The following NMU variants were observed in gnomAD, a reference collection of about 807,000 sequenced individuals.
NMU encodes the protein neuromedin U, also known as neuromedin-U.
In NMU, 29 loss-of-function variants were observed where a neutral mutation model predicts 35.4. That is an observed-to-expected ratio of 0.82 (90% CI 0.61 to 1.12). The LOEUF (loss-of-function observed/expected upper bound fraction) is 1.12. Ranked by LOEUF, NMU falls within the 50% of genes most tolerant of loss-of-function variation. The pLI is 0.00. For synonymous variants in NMU, 78 were observed against 81.3 expected (o/e 0.96, Z 0.22); for missense variants, 199 against 206.2 (o/e 0.97, Z 0.21).
At chr4:55,633,039 T>TAATAA (rs1715697011) in intron 1 of NMU, among the ~76,000 whole-genome samples, 1 of 110,922 alleles carries the variant, frequency 9.0e-6, no homozygotes, top group African/African-American at 3.4e-5. Context: ...ACGACTAATA[T>TAATAA]CCTGGCTGGG....
At position 55,630,405 on chromosome 4, in the gene NMU, A is replaced by T; in HGVS notation, c.168T>A (p.Asn56Lys). 6.2e-7 allele frequency: 1 copy of T among 1,610,222 alleles called. No homozygotes were observed. The highest frequency in any genetic ancestry group is 8.5e-7 in the Non-Finnish European group (1 of 1,176,694). The change falls in exon 2 of 10, where the codon AAT (asparagine) becomes AAA (lysine). Residue 56 changes from asparagine to lysine, a missense_variant. Transcript: ENST00000264218. ...LQPEQQLQLWNEIDDTCSSFL... is the reference protein window; with the variant it reads ...LQPEQQLQLWKEIDDTCSSFL... Reference sequence around the variant, plus strand: ...TTGTGTGATGATAGTTCCTTACCTCATTCCACAACTGTAGCTGTTGTTCAG... The same window carrying T: ...TTGTGTGATGATAGTTCCTTACCTCTTTCCACAACTGTAGCTGTTGTTCAG...
Position 55,636,141 on chromosome 4 carries a change from C to G in NMU, c.52G>C (p.Ala18Pro). 2.0e-6 allele frequency: 3 copies of G among 1,521,890 alleles called. No homozygotes were observed. The highest frequency in any genetic ancestry group is 1.8e-6 in the Non-Finnish European group (2 of 1,141,228). The allele number at this position is 1,521,890 out of a possible 1,614,324, so 94.3% of individuals were successfully genotyped here. ...RPRSPAGQVA[A>P]ASPLLLLLLL... ...AGCAGCAGCAGGAGCGGGGACGCCG[C>G]GGCCACCTGTCCGGCGGGCGACCTG... Residue 18 changes from alanine to proline, a missense_variant, in exon 1 of 10, where the codon GCG becomes CCG. By Grantham distance (27) the Ala-to-Pro change is conservative. Coordinates refer to ENST00000264218, the MANE Select transcript of NMU (RefSeq NM_006681.4). The surrounding 1 kb of genome is among the most constrained non-coding windows in gnomAD (Gnocchi z 4.0).
intron 2 of NMU, 84 bp from the exon 3 acceptor site, chr4:55,616,469 T>C: frequency 9.8e-7 from 1 of 1,020,890 alleles, no homozygotes; most frequent in Non-Finnish European, 1.5e-6. Context: ...ACATTACCTA[T>C]GGAACATTAA....
chr4:55,636,231 G>A lies in NMU; in HGVS notation c.-39C>T. 1 of 1,428,090 alleles carries A rather than the reference G, an allele frequency of 7.0e-7. No individual in the cohort carries two copies. 88.5% of individuals were successfully genotyped at this position (1,428,090 alleles called of 1,614,324 possible). ...GGAGGCTCGGTGCTAGGGACGCTGC[G>A]CTGCGCCACGCGTAGCTGGTGCTCC... is the stretch of plus-strand genomic sequence containing the variant. On this transcript the variant is annotated 5_prime_UTR_variant, in exon 1 of 10. Coordinates refer to ENST00000264218, the MANE Select transcript of NMU (RefSeq NM_006681.4). The surrounding 1 kb of genome is among the most constrained non-coding windows in gnomAD (Gnocchi z 4.0).
intron 2 of NMU, among the ~76,000 whole-genome samples, chr4:55,628,905 A>C (rs1478500900): frequency 1.3e-5 from 2 of 152,026 alleles, no homozygotes; most frequent in East Asian, 3.9e-4. Flanking sequence ...TCCCCAATAA[A>C]TATATATGAA....
chr4:55,604,027 A>ACGTATATATGTAT (rs1733567304), intron 7 of NMU, among the ~76,000 whole-genome samples: 6 of 28,998 alleles, frequency 2.1e-4, no homozygotes, highest in African/African-American at 5.1e-4. Context: ...GTATATATAT[A>ACGTATATATGTAT]ATCCTAGAAA....
intron 2 of NMU, 121 bp downstream of exon 2, chr4:55,630,281 G>T (rs1734703669): frequency 6.2e-6 from 5 of 801,218 alleles, no homozygotes; most frequent in South Asian, 3.2e-5. Flanking sequence ...AGTAATTCTG[G>T]GTTTTATTAT....
Position 55,616,359 on chromosome 4 carries a change from C to A in NMU, c.198G>T (p.Leu66=), listed in dbSNP as rs377282338. The A allele has an allele frequency of 1.2e-6, 2 of 1,612,266 alleles. No individual in the cohort carries two copies. Among genetic ancestry groups the A allele is most frequent in the African/African-American group, 2.7e-5 (2 of 74,982 alleles). ...NEIDDTCSSF[L]SIDSQPQASN... ...TTACCTGAGGCTGAGAATCAATGGACAGAAAAGACGAACAAGTATCATCTA... is the reference window on the plus strand; with the variant it reads ...TTACCTGAGGCTGAGAATCAATGGAAAGAAAAGACGAACAAGTATCATCTA... The change falls in exon 3 of 10, where the codon CTG becomes CTT. Residue 66 remains leucine (L), a synonymous_variant. Coordinates refer to ENST00000264218, the MANE Select transcript of NMU (RefSeq NM_006681.4).
chr4:55,608,949 C>T (rs1469906257), intron 4 of NMU, among the ~76,000 whole-genome samples, 171 bp downstream of exon 4: 4 of 152,166 alleles, frequency 2.6e-5, no homozygotes, highest in Non-Finnish European at 4.4e-5. Context: ...TAATATGATG[C>T]TCAATTCTCA....
Position 55,595,233 on chromosome 4 carries a change from T to G in NMU, c.*183A>C, listed in dbSNP as rs967613810. On this transcript the variant is annotated 3_prime_UTR_variant, in exon 10 of 10. Coordinates refer to ENST00000264218, the MANE Select transcript of NMU (RefSeq NM_006681.4). ...CTCATTAAAACACTAAGCAAAAATATTTTTAGATTTTTTAATTTTCAACAA... is the reference window on the plus strand; with the variant it reads ...CTCATTAAAACACTAAGCAAAAATAGTTTTAGATTTTTTAATTTTCAACAA... 6.6e-6 allele frequency: 1 copy of G among 152,480 alleles called. No individual in the cohort carries two copies. Among genetic ancestry groups the G allele is most frequent in the African/African-American group, 2.4e-5 (1 of 41,380 alleles). The allele number at this position is 152,480 out of a possible 1,614,324, so 9.4% of individuals were successfully genotyped here.
chr4:55,610,460 C>T (rs573881334), intron 3 of NMU, among the ~76,000 whole-genome samples: 1 of 143,128 alleles, frequency 7.0e-6, no homozygotes, highest in African/African-American at 2.5e-5. Flanking sequence ...GAGACTCTGT[C>T]TCAGAAAAAA....
At chr4:55,636,533 A>G (rs1377000310), upstream of NMU, 2 of 232,852 alleles carry the variant, frequency 8.6e-6, no homozygotes, top group Non-Finnish European at 1.6e-5. This position sits in a 1 kb window ranked among gnomAD's most constrained non-coding sequence, Gnocchi z 4.0. Context: ...TAAATAATGC[A>G]CCATTCCCAC....
At chr4:55,618,043 C>T (rs1180948551) in intron 2 of NMU, among the ~76,000 whole-genome samples, 8 of 152,330 alleles carry the variant, frequency 5.3e-5, no homozygotes, top group African/African-American at 1.9e-4. Flanking sequence ...CATTTGTTCA[C>T]TGTACTCAGC....
chr4:55,628,274 C>T (rs73236166), intron 2 of NMU, among the ~76,000 whole-genome samples: 7,579 of 152,230 alleles, frequency 0.05, 235 homozygotes, highest in Non-Finnish European at 0.076. Flanking sequence ...CCATCCATCA[C>T]GCAGTCAATT....
intron 9 of NMU, among the ~76,000 whole-genome samples, chr4:55,596,848 A>C (rs546762100): frequency 6.6e-6 from 1 of 152,326 alleles, no homozygotes; most frequent in African/African-American, 2.4e-5. Context: ...CATTAACGGA[A>C]AAGCTCCAAA....
chr4:55,610,325 T>C lies in NMU; in HGVS notation c.220-1146A>G, dbSNP rs141722519. ...TAAAATACAAAAAATTAGCCGGGCA[T>C]GTTAGCACACGCCTGTAATTCCAGC... On this transcript the variant is annotated intron_variant, in intron 3 of 9. Transcript: ENST00000264218. Among the ~76,000 whole-genome samples, 1,028 of 152,004 alleles carry C rather than the reference T, an allele frequency of 6.8e-3. 6 individuals are homozygous for C. The highest frequency in any genetic ancestry group is 0.012 in the Non-Finnish European group (812 of 67,956).
chr4:55,599,056 G>T, intron 9 of NMU, 86 bp downstream of exon 9: 1 of 891,014 alleles, frequency 1.1e-6, no homozygotes, highest in Non-Finnish European at 1.8e-6. Flanking sequence ...GTGACTATTT[G>T]AAAACAACAG....
rs555128176 is a variant in NMU, at chr4:55,631,752, T to C, written c.113-1292A>G. On this transcript the variant is annotated intron_variant, in intron 1 of 9. Coordinates refer to ENST00000264218, the MANE Select transcript of NMU (RefSeq NM_006681.4). Reference sequence around the variant, plus strand: ...AGTACAACCACTATGGAAAACAGTATGGAAATTCCTTAAAGAACCAAAAGT... The same window carrying C: ...AGTACAACCACTATGGAAAACAGTACGGAAATTCCTTAAAGAACCAAAAGT... Among the ~76,000 whole-genome samples the C allele has an allele frequency of 4.6e-5, 7 of 152,346 alleles. No individual in the cohort carries two copies. The South Asian group carries it at 1.2e-3, about 27-fold the overall frequency.
At chr4:55,619,244 T>C (rs2110203539) in intron 2 of NMU, among the ~76,000 whole-genome samples, 1 of 149,634 alleles carries the variant, frequency 6.7e-6, no homozygotes, top group East Asian at 2.0e-4. Flanking sequence ...TGCATTTCCA[T>C]CTGAGGTACC....
Sources: gnomAD v4.1 joint callset for allele counts (sites outside exome capture counted in the v4.1 genomes callset) on GRCh38, gnomAD v4.1.1 for gene constraint, Gnocchi (gnomAD v3.1) non-coding constraint, MANE v1.5 for transcripts, NCBI Gene and HGNC (gene_info 2026-07-23, HGNC 2026-07-21) for gene names.